Variants in MAGI2 observed in about 807,000 individuals in gnomAD.
The protein encoded by MAGI2 is membrane associated guanylate kinase, WW and PDZ domain containing 2.
Under a neutral mutation model 133.3 loss-of-function variants are expected in MAGI2, and 35 were observed. The observed-to-expected ratio is 0.26, with a 90% confidence interval of 0.20 to 0.35. MAGI2 has a LOEUF of 0.35. MAGI2 is among the 10% of genes least tolerant of loss of function. The probability of loss-of-function intolerance (pLI) is 1.00; values close to 1 mark genes in which losing one functional copy is unlikely to be tolerated. For synonymous variants in MAGI2, 729 were observed against 710.6 expected (o/e 1.03, Z -0.41); for missense variants, 1,636 against 1,863.4 (o/e 0.88, Z 2.25).
chr7:78,079,711 G>A (rs935058872), intron 20 of MAGI2, among the ~76,000 whole-genome samples: 2 of 152,134 alleles, frequency 1.3e-5, no homozygotes, highest in African/African-American at 2.4e-5. Context: ...CATGACTAAT[G>A]CCCTGGCTAA....
At chr7:79,185,229 A>G (rs1826971901) in intron 1 of MAGI2, among the ~76,000 whole-genome samples, 1 of 151,926 alleles carries the variant, frequency 6.6e-6, no homozygotes, top group South Asian at 2.1e-4. Flanking sequence ...AAAATAATCC[A>G]AACTCCATTG....
intron 2 of MAGI2, among the ~76,000 whole-genome samples, chr7:78,632,617 C>A (rs186753958): frequency 6.6e-6 from 1 of 152,208 alleles, no homozygotes; most frequent in Admixed American, 6.5e-5. Flanking sequence ...ATCTTGGCGC[C>A]TCATACAGGT....
chr7:79,320,764 A>G (rs1839124677), intron 1 of MAGI2, among the ~76,000 whole-genome samples: 4 of 152,060 alleles, frequency 2.6e-5, no homozygotes, highest in Admixed American at 2.0e-4. Context: ...TCATGTATCC[A>G]TATGTTGATG....
chr7:78,923,025 CT>C (rs2045086106), intron 2 of MAGI2, among the ~76,000 whole-genome samples: 1 of 152,140 alleles, frequency 6.6e-6, no homozygotes, highest in Non-Finnish European at 1.5e-5. Flanking sequence ...CCTTTGCCTA[CT>C]TTTTAATGGG....
chr7:78,802,577 A>T (rs1010045404), intron 2 of MAGI2, among the ~76,000 whole-genome samples: 1 of 152,172 alleles, frequency 6.6e-6, no homozygotes, highest in Non-Finnish European at 1.5e-5. Context: ...AGCACGGAGG[A>T]CTTTTAGGGC....
chr7:79,241,535 A>C (rs1424116193), intron 1 of MAGI2, among the ~76,000 whole-genome samples: 1 of 152,122 alleles, frequency 6.6e-6, no homozygotes, highest in African/African-American at 2.4e-5. Context: ...GGCCAAGTTA[A>C]CCACAGGAGG....
intron 14 of MAGI2, among the ~76,000 whole-genome samples, chr7:78,171,669 C>T (rs1016744074): frequency 3.3e-5 from 5 of 152,204 alleles, no homozygotes; most frequent in African/African-American, 4.8e-5. Flanking sequence ...CACCTATTCC[C>T]GTTACCACTG....
chr7:78,935,692 T>G (rs569466143), intron 2 of MAGI2, among the ~76,000 whole-genome samples: 3 of 152,070 alleles, frequency 2.0e-5, no homozygotes, highest in Admixed American at 2.0e-4. Context: ...GGGATCGTTA[T>G]CTCTTTCTGC....
chr7:78,291,357 A>T (rs1796693048), intron 9 of MAGI2, among the ~76,000 whole-genome samples: 1 of 152,226 alleles, frequency 6.6e-6, no homozygotes, highest in Non-Finnish European at 1.5e-5. Context: ...TCCTGGACAC[A>T]TACACCATCC....
intron 2 of MAGI2, among the ~76,000 whole-genome samples, chr7:78,843,904 G>C (rs564805651): frequency 1.1e-3 from 163 of 150,272 alleles, no homozygotes; most frequent in African/African-American, 3.7e-3. Context: ...TGCAGATTTT[G>C]AGGCAGCTTT....
intron 1 of MAGI2, among the ~76,000 whole-genome samples, chr7:79,355,562 C>T (rs1841968774): frequency 6.6e-6 from 1 of 152,110 alleles, no homozygotes; most frequent in South Asian, 2.1e-4. Context: ...CAGTCAGAAC[C>T]CACAGTCAAC....
intron 2 of MAGI2, among the ~76,000 whole-genome samples, chr7:78,924,708 A>G (rs1799551283): frequency 6.6e-6 from 1 of 152,030 alleles, no homozygotes; most frequent in Non-Finnish European, 1.5e-5. Context: ...TGCTGGCCTC[A>G]TAAATGAGTT....
intron 1 of MAGI2, among the ~76,000 whole-genome samples, chr7:79,042,539 A>G (rs894974118): frequency 2.0e-5 from 3 of 152,164 alleles, no homozygotes; most frequent in Non-Finnish European, 4.4e-5. Flanking sequence ...CAAGGTTACT[A>G]TTTATATACT....
At chr7:78,059,243 G>C (rs1812971918) in intron 21 of MAGI2, among the ~76,000 whole-genome samples, 1 of 152,170 alleles carries the variant, frequency 6.6e-6, no homozygotes, top group South Asian at 2.1e-4. Context: ...CTAGGGAGGA[G>C]CCTCTGTGGG....
chr7:78,475,258 GGAGT>G (rs1191215503), intron 6 of MAGI2, among the ~76,000 whole-genome samples: 1 of 151,866 alleles, frequency 6.6e-6, no homozygotes, highest in Non-Finnish European at 1.5e-5. Context: ...AAAATTAAAT[GGAGT>G]GATACAAAAA....
intron 2 of MAGI2, among the ~76,000 whole-genome samples, chr7:78,853,854 C>G (rs1279463361): frequency 6.6e-6 from 1 of 151,954 alleles, no homozygotes; most frequent in East Asian, 1.9e-4. Flanking sequence ...TTGACACTTG[C>G]AATACTAGAG....
At chr7:78,686,610 A>G (rs908459563) in intron 2 of MAGI2, among the ~76,000 whole-genome samples, 4 of 151,314 alleles carry the variant, frequency 2.6e-5, no homozygotes, top group South Asian at 2.1e-4. Flanking sequence ...ATGAAATTGT[A>G]TCTGAAGACC....
At chr7:78,815,531 G>C (rs1279841128) in intron 2 of MAGI2, among the ~76,000 whole-genome samples, 1 of 151,806 alleles carries the variant, frequency 6.6e-6, no homozygotes, top group African/African-American at 2.4e-5. Context: ...CCAAATTGAA[G>C]GTTTGTGGCA....
chr7:78,900,099 A>G (rs1292036469), intron 2 of MAGI2, among the ~76,000 whole-genome samples: 2 of 152,108 alleles, frequency 1.3e-5, no homozygotes, highest in Non-Finnish European at 2.9e-5. Context: ...CTTTGTGTGC[A>G]CAATTTAGTT....
Sources: gnomAD v4.1 joint callset for allele counts (sites outside exome capture counted in the v4.1 genomes callset) on GRCh38, gnomAD v4.1.1 for gene constraint, MANE v1.5 for transcripts, NCBI Gene and HGNC (gene_info 2026-07-23, HGNC 2026-07-21) for gene names.